Variants in MGA observed in about 807,000 individuals in gnomAD.
MGA encodes the protein MAX dimerization protein MGA, also known as MAX gene-associated protein.
MGA carries 40 observed loss-of-function variants against 261.1 expected under a neutral mutation model. The observed-to-expected ratio is 0.15, with a 90% CI of 0.12 to 0.20. The LOEUF is 0.20. MGA is among the 10% of genes least tolerant of loss of function. The pLI, the probability that MGA is intolerant of heterozygous loss-of-function variation, is 1.00. For missense variants in MGA, 3,397 were observed against 3,630.5 expected, an observed-to-expected ratio of 0.94 and a Z score of 1.65; for synonymous variants, 1,302 against 1,290.6, an observed-to-expected ratio of 1.01 and a Z score of -0.19.
chr15:41,685,893 T>A (rs2058928102), intron 2 of MGA, among the ~76,000 whole-genome samples: 1 of 151,498 alleles, frequency 6.6e-6, no homozygotes, highest in Non-Finnish European at 1.5e-5. Context: ...TAGTCCCAGC[T>A]ACTCAGGAGG....
rs550170248 is a variant in MGA at position 41,690,441 on chromosome 15, T to C, written c.1065-5634T>C. On this transcript the variant is annotated intron_variant, in intron 2 of 23. Transcript: ENST00000219905. ...AGTTTTTTGGTGTTGAAAAGACCAT[T>C]CTTTCCTCTCTTGAATTGTCTTGGC... Among the ~76,000 whole-genome samples the C allele has an allele frequency of 2.0e-5, 3 of 152,332 alleles. No homozygotes were observed. In the South Asian group the frequency reaches 6.2e-4, roughly 32 times the overall value.
At chr15:41,714,785 T>C (rs771832491) in intron 9 of MGA, among the ~76,000 whole-genome samples, 5 of 152,226 alleles carry the variant, frequency 3.3e-5, no homozygotes, top group Non-Finnish European at 7.3e-5. Context: ...CATGAGCCAC[T>C]GTACCCAATT....
intron 11 of MGA, among the ~76,000 whole-genome samples, chr15:41,733,859 T>G (rs2061638648): frequency 6.6e-6 from 1 of 152,074 alleles, no homozygotes; most frequent in Non-Finnish European, 1.5e-5. Context: ...AATTCTAGTT[T>G]TATTAATTTG....
At chr15:41,638,688 C>CTTT (rs761492514) in intron 1 of MGA, among the ~76,000 whole-genome samples, 7 of 115,640 alleles carry the variant, frequency 6.1e-5, no homozygotes, top group Non-Finnish European at 9.0e-5. Context: ...TTTTCTTTTT[C>CTTT]TTTTTTTTTT....
At chr15:41,658,256 A>T (rs2057248752), upstream of MGA, among the ~76,000 whole-genome samples, 1 of 152,230 alleles carries the variant, frequency 6.6e-6, no homozygotes, top group African/African-American at 2.4e-5. Flanking sequence ...TTGAGCTATG[A>T]TAACTGAAAA....
At chr15:41,735,433 T>G (rs1215641265) in intron 12 of MGA, among the ~76,000 whole-genome samples, 1 of 151,724 alleles carries the variant, frequency 6.6e-6, no homozygotes, top group Non-Finnish European at 1.5e-5. Context: ...AGAGTTAGAG[T>G]GCACTTAAAA....
intron 2 of MGA, among the ~76,000 whole-genome samples, chr15:41,685,179 T>A (rs949843338): frequency 4.6e-5 from 7 of 152,230 alleles, no homozygotes; most frequent in Non-Finnish European, 7.3e-5. Flanking sequence ...TATTTTTCCA[T>A]GCAGATGGCT....
chr15:41,758,528 A>C (rs917681544), intron 19 of MGA, among the ~76,000 whole-genome samples: 4 of 152,198 alleles, frequency 2.6e-5, no homozygotes, highest in Non-Finnish European at 5.9e-5. Flanking sequence ...AATTATTTGC[A>C]TATATCATTA....
At chr15:41,700,565 G>C (rs1349807151) in intron 5 of MGA, among the ~76,000 whole-genome samples, 2 of 152,106 alleles carry the variant, frequency 1.3e-5, no homozygotes, top group Non-Finnish European at 2.9e-5. Context: ...TCCCTGCAAA[G>C]GGCATGAACT....
At chr15:41,739,777 A>G in intron 13 of MGA, 129 bp from the exon 14 acceptor site, 5 of 854,676 alleles carry the variant, frequency 5.9e-6, no homozygotes, top group South Asian at 1.7e-5. Flanking sequence ...GAAAAAGTCT[A>G]CTTCTTTTTC....
chr15:41,701,595 ACTT>A (rs145913149), intron 5 of MGA, among the ~76,000 whole-genome samples: 42 of 152,238 alleles, frequency 2.8e-4, no homozygotes, highest in African/African-American at 9.4e-4. Context: ...GAGTACAGGC[ACTT>A]CTTCTAAAGG....
At chr15:41,727,124 G>A (rs958004461) in intron 9 of MGA, 56 bp from the exon 10 acceptor site, 21 of 1,421,846 alleles carry the variant, frequency 1.5e-5, no homozygotes, top group East Asian at 4.8e-5. Context: ...CAGTGCCTCA[G>A]TATTGATCTT....
intron 1 of MGA, among the ~76,000 whole-genome samples, chr15:41,668,392 A>G (rs1005202095): frequency 6.6e-5 from 10 of 152,156 alleles, no homozygotes; most frequent in South Asian, 4.1e-4. Context: ...TGAAAATGGA[A>G]CTTTACTTAT....
chr15:41,624,993 A>T (rs1286340711), intron 1 of MGA, among the ~76,000 whole-genome samples: 1 of 151,990 alleles, frequency 6.6e-6, no homozygotes, highest in African/African-American at 2.4e-5. Context: ...AAATTTCAGA[A>T]TTAGCTTGGT....
intron 1 of MGA, among the ~76,000 whole-genome samples, chr15:41,655,320 A>G (rs2057143921): frequency 6.6e-6 from 1 of 151,762 alleles, no homozygotes; most frequent in Non-Finnish European, 1.5e-5. Flanking sequence ...CTGGGATTAC[A>G]GGCATGTGCC....
chr15:41,700,673 A>G (rs1473846413), intron 5 of MGA, among the ~76,000 whole-genome samples: 4 of 152,164 alleles, frequency 2.6e-5, no homozygotes, highest in South Asian at 2.1e-4. Context: ...AAAAAAACAT[A>G]TCTACTATGG....
At position 41,736,359 on chromosome 15, in the gene MGA, A is replaced by G. The variant is rs770938159; in HGVS notation, c.4095A>G (p.Gln1365=). Reference sequence around the variant, plus strand: ...AGCACATCAATAGCAACATGCCACAATCACTTAAGGTGGGCAGCTTCATCA... The same window carrying G: ...AGCACATCAATAGCAACATGCCACAGTCACTTAAGGTGGGCAGCTTCATCA... The change falls in exon 13 of 24, where the codon CAA becomes CAG. Residue 1365 remains glutamine, a synonymous_variant. Coordinates refer to ENST00000219905, the MANE Select transcript of MGA (RefSeq NM_001164273.2). 4.4e-5 allele frequency: 71 copies of G among 1,613,972 alleles called. No homozygotes were observed. The South Asian group carries it at 6.0e-4, about 14-fold the overall frequency.
Position 41,766,858 on chromosome 15 carries a change from C to G in MGA, c.8776C>G (p.Leu2926Val). The G allele has an allele frequency of 1.2e-6, 2 of 1,613,912 alleles. No individual in the cohort carries two copies. The highest frequency in any genetic ancestry group is 1.7e-6 in the Non-Finnish European group (2 of 1,179,882). Residue 2926 changes from leucine (L) to valine (V), a missense_variant, in exon 24 of 24, where the codon CTT (leucine) becomes GTT (valine). By Grantham distance (32) the Leu-to-Val change is conservative. Transcript: ENST00000219905. ...AGAACCAGCCTCTGAGCCAGATGTCCTTAAGATTGTTATTGACTCTGAAAT... is the reference window on the plus strand; with the variant it reads ...AGAACCAGCCTCTGAGCCAGATGTCGTTAAGATTGTTATTGACTCTGAAAT...
chr15:41,645,178 TTATG>T (rs1356870006), intron 1 of MGA, among the ~76,000 whole-genome samples: 2 of 152,224 alleles, frequency 1.3e-5, no homozygotes, highest in Non-Finnish European at 1.5e-5. Context: ...GTATGAGGTT[TTATG>T]TATTTAATCT....
Sources: gnomAD v4.1 joint callset for allele counts (sites outside exome capture counted in the v4.1 genomes callset) on GRCh38, gnomAD v4.1.1 for gene constraint, MANE v1.5 for transcripts, NCBI Gene and HGNC (gene_info 2026-07-23, HGNC 2026-07-21) for gene names.